The following ROBO2 variants were observed in gnomAD, a reference collection of about 807,000 sequenced individuals.
The protein encoded by ROBO2 is roundabout guidance receptor 2.
Under a neutral mutation model 160.8 loss-of-function variants are expected in ROBO2, and 53 were observed. The observed-to-expected ratio is 0.33, with a 90% CI of 0.26 to 0.41. The LOEUF (loss-of-function observed/expected upper bound fraction) is 0.41, where lower values mean the gene tolerates loss of function less well. Ranked by LOEUF, ROBO2 falls within the 10% of genes least tolerant of loss-of-function variation. The pLI is 1.00. For synonymous variants in ROBO2, 664 were observed against 611.7 expected (o/e 1.09, Z -1.26); for missense variants, 1,577 against 1,722.4 (o/e 0.92, Z 1.49).
At chr3:77,067,010 A>ACT (rs1178171458) in intron 1 of ROBO2, among the ~76,000 whole-genome samples, 1 of 140,588 alleles carries the variant, frequency 7.1e-6, no homozygotes, top group African/African-American at 2.8e-5. Flanking sequence ...ACACTCACAC[A>ACT]CTCTCACACA....
At chr3:76,504,321 T>G (rs2080653347) in intron 2 of ROBO2, among the ~76,000 whole-genome samples, 1 of 152,144 alleles carries the variant, frequency 6.6e-6, no homozygotes, top group Admixed American at 6.5e-5. Context: ...GCCATACGTT[T>G]GTTTAGAAAG....
chr3:77,206,035 T>C (rs1332426286), intron 2 of ROBO2, among the ~76,000 whole-genome samples: 1 of 152,180 alleles, frequency 6.6e-6, no homozygotes, highest in African/African-American at 2.4e-5. Flanking sequence ...GTCTCCATTT[T>C]CTGGTGCCCT....
chr3:76,127,898 T>TTC (rs1553652596), intron 2 of ROBO2, among the ~76,000 whole-genome samples: 3 of 144,444 alleles, frequency 2.1e-5, no homozygotes, highest in Non-Finnish European at 4.6e-5. Flanking sequence ...ACATTTCTTT[T>TTC]TTTTTTTTTT....
chr3:76,144,499 C>A (rs1397144480), intron 2 of ROBO2, among the ~76,000 whole-genome samples: 1 of 151,942 alleles, frequency 6.6e-6, no homozygotes, highest in African/African-American at 2.4e-5. Context: ...TAAAAAGAAA[C>A]CAAGGTAAGC....
rs146004329 is a variant in ROBO2, at chr3:77,317,257, C to T, written c.389-160157C>T. The T allele has an allele frequency of 1.6e-4, 121 of 778,012 alleles. No homozygotes were observed. The African/African-American group carries it at 1.8e-3, about 11-fold the overall frequency. The allele number at this position is 778,012 out of a possible 1,614,324, so 48.2% of individuals were successfully genotyped here. ...CAGGTTAATGTGCTCCCACTTGCAC[C>T]CTGTCTTGATTTTAGCATTTTTTTT... On this transcript the variant is annotated intron_variant, in intron 2 of 25. Transcript: ENST00000461745.
intron 2 of ROBO2, among the ~76,000 whole-genome samples, chr3:77,443,795 A>G (rs2153556177): frequency 6.6e-6 from 1 of 152,274 alleles, no homozygotes; most frequent in Non-Finnish European, 1.5e-5. Context: ...TGTAGCCAGC[A>G]GGCAGACATA....
At chr3:77,635,854 G>A (rs1446188405) in intron 24 of ROBO2, among the ~76,000 whole-genome samples, 1 of 152,152 alleles carries the variant, frequency 6.6e-6, no homozygotes, top group Non-Finnish European at 1.5e-5. Context: ...ACATGTGACT[G>A]TACCATAAGC....
At chr3:77,275,509 C>A (rs2059769492) in intron 2 of ROBO2, among the ~76,000 whole-genome samples, 1 of 152,100 alleles carries the variant, frequency 6.6e-6, no homozygotes, top group Admixed American at 6.6e-5. Flanking sequence ...GGTTACTCTG[C>A]CTCTTTAATT....
At chr3:76,738,374 T>C (rs778297539) in intron 2 of ROBO2, among the ~76,000 whole-genome samples, 2 of 152,168 alleles carry the variant, frequency 1.3e-5, no homozygotes, top group Admixed American at 6.5e-5. Flanking sequence ...GTCAGCACTG[T>C]TGACCTTTTG....
chr3:77,273,920 A>G (rs6785157), intron 2 of ROBO2, among the ~76,000 whole-genome samples: 8,638 of 152,232 alleles, frequency 0.057, 679 homozygotes, highest in African/African-American at 0.17. Flanking sequence ...TGAAAATTAT[A>G]TCCAACAAAA....
At chr3:77,132,792 T>C (rs1266422250) in intron 2 of ROBO2, among the ~76,000 whole-genome samples, 3 of 152,124 alleles carry the variant, frequency 2.0e-5, no homozygotes, top group Non-Finnish European at 4.4e-5. Flanking sequence ...TTACTAAAGA[T>C]GAAAAATAAT....
At chr3:76,264,246 A>C (rs1410773985) in intron 2 of ROBO2, among the ~76,000 whole-genome samples, 6 of 152,148 alleles carry the variant, frequency 3.9e-5, no homozygotes, top group African/African-American at 1.2e-4. Flanking sequence ...TTAAAAAAAA[A>C]TAAAGAACTA....
chr3:76,077,248 C>G (rs1046276909), intron 2 of ROBO2, among the ~76,000 whole-genome samples: 1 of 152,110 alleles, frequency 6.6e-6, no homozygotes, highest in African/African-American at 2.4e-5. Flanking sequence ...GGAAATCTTA[C>G]ATAAATTTCA....
chr3:76,956,366 G>T (rs929856773), intron 2 of ROBO2, among the ~76,000 whole-genome samples: 1 of 151,880 alleles, frequency 6.6e-6, no homozygotes, highest in Non-Finnish European at 1.5e-5. Context: ...GACCATCCTG[G>T]CTAACACGGT....
chr3:77,528,471 A>G (rs948515210), intron 6 of ROBO2, among the ~76,000 whole-genome samples: 2 of 151,664 alleles, frequency 1.3e-5, no homozygotes, highest in South Asian at 2.1e-4. Flanking sequence ...GTTGCTAGAC[A>G]GTATGTTTTT....
At chr3:76,906,636 C>T (rs116764714) in intron 2 of ROBO2, among the ~76,000 whole-genome samples, 502 of 152,070 alleles carry the variant, frequency 3.3e-3, no homozygotes, top group Middle Eastern at 0.014. Context: ...GATGAAACTA[C>T]GGCACAGAGA....
chr3:77,560,721 A>C (rs2093294792), intron 9 of ROBO2, among the ~76,000 whole-genome samples: 2 of 152,130 alleles, frequency 1.3e-5, no homozygotes, highest in South Asian at 4.1e-4. Context: ...AAATATACCT[A>C]CCGCAGCTAA....
At chr3:75,971,628 A>C (rs1243193756) in intron 2 of ROBO2, among the ~76,000 whole-genome samples, 6 of 151,514 alleles carry the variant, frequency 4.0e-5, no homozygotes, top group African/African-American at 1.4e-4. Flanking sequence ...ATTCATTTAA[A>C]AATTAGCTAT....
At chr3:77,018,313 C>T (rs2062412603) in intron 2 of ROBO2, among the ~76,000 whole-genome samples, 1 of 152,110 alleles carries the variant, frequency 6.6e-6, no homozygotes, top group South Asian at 2.1e-4. Flanking sequence ...TTGAACCTGA[C>T]CTCAAGTGAT....
Sources: gnomAD v4.1 joint callset for allele counts (sites outside exome capture counted in the v4.1 genomes callset) on GRCh38, gnomAD v4.1.1 for gene constraint, MANE v1.5 for transcripts, NCBI Gene and HGNC (gene_info 2026-07-23, HGNC 2026-07-21) for gene names.